The following CACNG2 variants were observed in gnomAD, a reference collection of about 807,000 sequenced individuals.
CACNG2 encodes calcium voltage-gated channel auxiliary subunit gamma 2.
CACNG2 carries 3 observed loss-of-function variants against 25.9 expected under a neutral mutation model. The observed-to-expected ratio is 0.12, with a 90% CI of 0.05 to 0.30. The LOEUF (loss-of-function observed/expected upper bound fraction) is 0.30. CACNG2 is among the 10% of genes least tolerant of loss of function. The pLI, the probability that CACNG2 is intolerant of heterozygous loss-of-function variation, is 1.00. For synonymous variants in CACNG2, 167 were observed against 173.3 expected, an observed-to-expected ratio of 0.96 and a Z score of 0.29; for missense variants, 341 against 432.5, an observed-to-expected ratio of 0.79 and a Z score of 1.88.
At chr22:36,589,634 G>A (rs192601107) in intron 1 of CACNG2, among the ~76,000 whole-genome samples, 17 of 152,224 alleles carry the variant, frequency 1.1e-4, no homozygotes, top group Admixed American at 6.5e-5. Context: ...ACTTCTGGTC[G>A]CTTCACTGAA....
intron 1 of CACNG2, among the ~76,000 whole-genome samples, chr22:36,682,852 C>A (rs1452343159): frequency 2.0e-5 from 3 of 152,196 alleles, no homozygotes; most frequent in Admixed American, 2.0e-4. Context: ...ATCTTCCCGG[C>A]ATGGACGGCT....
At chr22:36,686,719 C>T (rs192941550) in intron 1 of CACNG2, among the ~76,000 whole-genome samples, 37 of 152,336 alleles carry the variant, frequency 2.4e-4, no homozygotes, top group African/African-American at 8.4e-4. Context: ...GACCCGGGCA[C>T]AGGGGTTCTA....
intron 1 of CACNG2, among the ~76,000 whole-genome samples, chr22:36,650,393 C>T (rs530398465): frequency 7.9e-5 from 12 of 152,094 alleles, no homozygotes; most frequent in South Asian, 4.2e-4. Context: ...TTTCTTGAGA[C>T]GGGGTCTTGC....
chr22:36,636,093 A>T (rs1160782199), intron 1 of CACNG2, among the ~76,000 whole-genome samples: 1 of 152,124 alleles, frequency 6.6e-6, no homozygotes, highest in Non-Finnish European at 1.5e-5. Context: ...TCTCACCCTC[A>T]AAACTCTTCA....
At chr22:36,657,517 A>T (rs1936725631) in intron 1 of CACNG2, among the ~76,000 whole-genome samples, 1 of 152,150 alleles carries the variant, frequency 6.6e-6, no homozygotes, top group Non-Finnish European at 1.5e-5. Flanking sequence ...GCCCGGCTGG[A>T]GGACACGGGG....
chr22:36,619,685 C>T (rs1936077299), intron 1 of CACNG2, among the ~76,000 whole-genome samples: 1 of 152,196 alleles, frequency 6.6e-6, no homozygotes, highest in Non-Finnish European at 1.5e-5. Context: ...AGTTCCTGCC[C>T]AATGATGCTG....
chr22:36,608,911 T>C (rs1401767909), intron 1 of CACNG2, among the ~76,000 whole-genome samples: 1 of 152,198 alleles, frequency 6.6e-6, no homozygotes, highest in Non-Finnish European at 1.5e-5. Flanking sequence ...ATTATTGTTG[T>C]TGTTATCACA....
intron 1 of CACNG2, among the ~76,000 whole-genome samples, chr22:36,613,117 T>A (rs114756575): frequency 6.6e-6 from 1 of 151,718 alleles, no homozygotes; most frequent in African/African-American, 2.4e-5. Flanking sequence ...GGGAATATAG[T>A]GCTCAATGTT....
intron 1 of CACNG2, among the ~76,000 whole-genome samples, chr22:36,668,796 C>T (rs1234850882): frequency 1.3e-5 from 2 of 152,116 alleles, no homozygotes; most frequent in African/African-American, 4.8e-5. Flanking sequence ...CACCACCGGG[C>T]CCAGCCGGGT....
intron 1 of CACNG2, among the ~76,000 whole-genome samples, chr22:36,592,951 C>A (rs1370106924): frequency 6.6e-6 from 1 of 152,192 alleles, no homozygotes; most frequent in Non-Finnish European, 1.5e-5. Flanking sequence ...CCCAGCCCAG[C>A]CCAGTCCCAC....
rs572925064 is a variant in CACNG2, at chr22:36,618,436, G to A, written c.212-30888C>T. The stretch of plus-strand genomic sequence containing the variant: ...CAGGTGGCAGCTGTATGGCCTAAGC[G>A]CCGGCTCTACCTCTCTGCCTTCCTG... On this transcript the variant is annotated intron_variant, in intron 1 of 3. Coordinates refer to ENST00000300105, the MANE Select transcript of CACNG2 (RefSeq NM_006078.5). Among the ~76,000 whole-genome samples the A allele has an allele frequency of 9.8e-5, 15 of 152,324 alleles. No homozygotes were observed. In the South Asian group the frequency reaches 2.3e-3, roughly 23 times the overall value.
chr22:36,635,046 G>C (rs574032250), intron 1 of CACNG2, among the ~76,000 whole-genome samples: 1 of 152,302 alleles, frequency 6.6e-6, no homozygotes, highest in African/African-American at 2.4e-5. Context: ...CACTTTGGGA[G>C]GCCGAGGTGG....
At chr22:36,628,509 T>G (rs974525027) in intron 1 of CACNG2, among the ~76,000 whole-genome samples, 10 of 152,354 alleles carry the variant, frequency 6.6e-5, no homozygotes, top group African/African-American at 2.4e-4. Flanking sequence ...TTATTTATAT[T>G]TAGGGTTCTG....
At chr22:36,645,671 G>A (rs1292036435) in intron 1 of CACNG2, among the ~76,000 whole-genome samples, 1 of 152,036 alleles carries the variant, frequency 6.6e-6, no homozygotes, top group Non-Finnish European at 1.5e-5. Flanking sequence ...TGACGGCAAT[G>A]GATAATGCTC....
intron 2 of CACNG2, among the ~76,000 whole-genome samples, chr22:36,583,775 A>C (rs1374336276): frequency 6.6e-6 from 1 of 152,006 alleles, no homozygotes; most frequent in Non-Finnish European, 1.5e-5. Context: ...TCACTACCAC[A>C]GCAGCCAGGC....
intron 1 of CACNG2, among the ~76,000 whole-genome samples, chr22:36,631,717 G>A (rs539958400): frequency 6.7e-6 from 1 of 150,296 alleles, no homozygotes; most frequent in Non-Finnish European, 1.5e-5. Context: ...AGCTGGAACT[G>A]CCCGGTTATG....
intron 1 of CACNG2, among the ~76,000 whole-genome samples, chr22:36,681,277 C>T (rs529845490): frequency 3.3e-5 from 5 of 152,182 alleles, no homozygotes; most frequent in Non-Finnish European, 7.4e-5. Flanking sequence ...ATAGAGAATG[C>T]TTCCAAGCCC....
intron 2 of CACNG2, among the ~76,000 whole-genome samples, chr22:36,574,232 G>GT (rs1935278094): frequency 6.6e-6 from 1 of 152,188 alleles, no homozygotes; most frequent in Admixed American, 6.5e-5. Flanking sequence ...GTGGCTCCAG[G>GT]GAAGCAGTGA....
chr22:36,564,496 T>A lies in CACNG2; in HGVS notation c.827A>T (p.Asp276Val). 6.2e-7 allele frequency: 1 copy of A among 1,613,832 alleles called. No homozygotes were observed. Among genetic ancestry groups the A allele is most frequent in the Non-Finnish European group, 8.5e-7 (1 of 1,179,936 alleles). ...TEISMYTLSRDPLKAATTPTA... is the reference protein window; with the variant it reads ...TEISMYTLSRVPLKAATTPTA... Reference sequence around the variant, plus strand: ...GGGCGTGGTGGCGGCCTTCAGGGGGTCCCTGCTGAGCGTGTACATGGAGAT... The same window carrying A: ...GGGCGTGGTGGCGGCCTTCAGGGGGACCCTGCTGAGCGTGTACATGGAGAT... Residue 276 changes from aspartate to valine, a missense_variant, in exon 4 of 4, where the codon GAC becomes GTC. Physicochemically the swap from Asp to Val is radical, Grantham distance 152 (BLOSUM62 -3). This residue lies in a region of CACNG2 where 172 missense variants were observed against 178.1 expected (regional missense o/e 0.97). Coordinates refer to ENST00000300105, the MANE Select transcript of CACNG2 (RefSeq NM_006078.5). The surrounding 1 kb of genome is among the most constrained non-coding windows in gnomAD (Gnocchi z 6.7).
Sources: allele counts gnomAD v4.1 joint callset (sites outside exome capture counted in the v4.1 genomes callset), GRCh38; gene constraint gnomAD v4.1.1; regional missense constraint gnomAD v4.1.1; non-coding constraint Gnocchi (gnomAD v3.1); transcripts MANE v1.5; gene names NCBI Gene and HGNC (gene_info 2026-07-23, HGNC 2026-07-21).